The following FAM184B variants were observed in gnomAD, a reference collection of about 807,000 sequenced individuals.
FAM184B encodes family with sequence similarity 184 member B, also known as protein FAM184B.
In FAM184B, 111 loss-of-function variants were observed where a neutral mutation model predicts 135.9. The observed-to-expected ratio is 0.82, with a 90% CI of 0.70 to 0.96. The LOEUF (loss-of-function observed/expected upper bound fraction) is 0.96, where lower values mean the gene tolerates loss of function less well. Among genes scored for constraint, FAM184B ranks in the 40% least tolerant of loss-of-function variants. FAM184B has a pLI of 0.00. For missense variants in FAM184B, 1,375 were observed against 1,323.9 expected (o/e 1.04, Z -0.60); for synonymous variants, 552 against 524.8 (o/e 1.05, Z -0.71).
At chr4:17,746,783 A>G (rs1462919580) in intron 1 of FAM184B, among the ~76,000 whole-genome samples, 1 of 151,518 alleles carries the variant, frequency 6.6e-6, no homozygotes, top group African/African-American at 2.4e-5. Flanking sequence ...CACACCTGTA[A>G]TCTCAGCACT....
Position 17,734,984 on chromosome 4 carries a change from T to C in FAM184B, c.142-25340A>G, listed in dbSNP as rs555018044. On this transcript the variant is annotated intron_variant, in intron 1 of 17. Coordinates refer to ENST00000265018, the MANE Select transcript of FAM184B (RefSeq NM_015688.2). ...AAGAAAATATGGCACATATACACCA[T>C]GGAATACTATGCAGCCATAAAAAAT... is the stretch of plus-strand genomic sequence containing the variant. Among the ~76,000 whole-genome samples the C allele has an allele frequency of 1.7e-4, 26 of 152,270 alleles. No homozygotes were observed. In the East Asian group the frequency reaches 5.0e-3, roughly 29 times the overall value.
chr4:17,641,108 A>G (rs878985980), intron 13 of FAM184B, among the ~76,000 whole-genome samples: 1 of 151,688 alleles, frequency 6.6e-6, no homozygotes, highest in African/African-American at 2.4e-5. Flanking sequence ...CAATTTTTCT[A>G]TTTTTAGTAG....
chr4:17,764,159 G>A (rs1718604905), intron 1 of FAM184B, among the ~76,000 whole-genome samples: 1 of 152,142 alleles, frequency 6.6e-6, no homozygotes, highest in Admixed American at 6.5e-5. Flanking sequence ...TCTGTATTGG[G>A]TCAATGCCAA....
intron 1 of FAM184B, among the ~76,000 whole-genome samples, chr4:17,744,903 C>G (rs931527785): frequency 6.6e-6 from 1 of 152,126 alleles, no homozygotes; most frequent in East Asian, 1.9e-4. Context: ...TGAGAGGCAG[C>G]TGGAAGAGGT....
chr4:17,642,689 A>G (rs1190623576), intron 12 of FAM184B, among the ~76,000 whole-genome samples: 4 of 152,202 alleles, frequency 2.6e-5, no homozygotes, highest in African/African-American at 9.6e-5. Flanking sequence ...ACTGAAGAGA[A>G]TATGTGTCCA....
chr4:17,779,504 T>G (rs1175114968), intron 1 of FAM184B, among the ~76,000 whole-genome samples: 2 of 152,218 alleles, frequency 1.3e-5, no homozygotes, highest in East Asian at 3.8e-4. Context: ...GCTTGGCACA[T>G]AATAGGTGTG....
chr4:17,742,756 C>A (rs910429043), intron 1 of FAM184B, among the ~76,000 whole-genome samples: 3 of 152,214 alleles, frequency 2.0e-5, no homozygotes, highest in Non-Finnish European at 4.4e-5. Context: ...GGCTACACAT[C>A]ACTCAATAAA....
intron 7 of FAM184B, among the ~76,000 whole-genome samples, chr4:17,675,248 G>T (rs13106338): frequency 0.38 from 57,893 of 152,064 alleles, 11,676 homozygotes; most frequent in African/African-American, 0.46. Flanking sequence ...AATGAGTATT[G>T]TGTCAGCAGG....
intron 1 of FAM184B, among the ~76,000 whole-genome samples, chr4:17,768,612 T>C (rs1427857547): frequency 3.3e-5 from 5 of 151,912 alleles, no homozygotes; most frequent in Non-Finnish European, 7.4e-5. Context: ...ATATTGTGTA[T>C]GTGTTAGTTT....
intron 12 of FAM184B, 122 bp from the exon 13 acceptor site, chr4:17,642,350 T>TG (rs1577243226): frequency 7.3e-7 from 1 of 1,371,846 alleles, no homozygotes; most frequent in Non-Finnish European, 9.4e-7. Context: ...CTGGAGCCTG[T>TG]GGCAGGCTCC....
At chr4:17,656,215 G>C (rs948235125) in intron 10 of FAM184B, among the ~76,000 whole-genome samples, 3 of 152,072 alleles carry the variant, frequency 2.0e-5, no homozygotes, top group Non-Finnish European at 4.4e-5. Flanking sequence ...TAAAGCTCAG[G>C]GATACACAAA....
At chr4:17,774,593 C>T (rs1718884652) in intron 1 of FAM184B, among the ~76,000 whole-genome samples, 1 of 152,150 alleles carries the variant, frequency 6.6e-6, no homozygotes, top group African/African-American at 2.4e-5. Flanking sequence ...CTGTTCCATC[C>T]TTCAATTGCT....
chr4:17,712,762 T>C (rs1717309347), intron 1 of FAM184B, among the ~76,000 whole-genome samples: 2 of 152,154 alleles, frequency 1.3e-5, no homozygotes, highest in Admixed American at 1.3e-4. Context: ...AAAAGCTTTG[T>C]ATGGCTTTAA....
chr4:17,637,078 G>A (rs1267138496), intron 14 of FAM184B, among the ~76,000 whole-genome samples: 3 of 152,202 alleles, frequency 2.0e-5, no homozygotes, highest in African/African-American at 7.2e-5. Flanking sequence ...CCAGGCTGCA[G>A]TGCAATGGCG....
At chr4:17,729,276 C>G (rs984780104) in intron 1 of FAM184B, among the ~76,000 whole-genome samples, 205 of 152,364 alleles carry the variant, frequency 1.3e-3, no homozygotes, top group Non-Finnish European at 2.5e-3. Flanking sequence ...GAGCCCACCA[C>G]AGCTCAAGGA....
rs1482573617 is a variant in FAM184B, at chr4:17,630,942, A to G, written c.*1590T>C. On this transcript the variant is annotated 3_prime_UTR_variant, in exon 18 of 18. Transcript: ENST00000265018. ...TTATTCAAAGAGCAAAGATTTGACAATGCATAGAATTAACATTGGTTTGTG... is the reference window on the plus strand; with the variant it reads ...TTATTCAAAGAGCAAAGATTTGACAGTGCATAGAATTAACATTGGTTTGTG... The G allele has an allele frequency of 1.3e-5, 2 of 152,218 alleles. No individual in the cohort carries two copies. The highest frequency in any genetic ancestry group is 1.9e-4 in the East Asian group (1 of 5,196). The allele number at this position is 152,218 out of a possible 1,614,324, so 9.4% of individuals were successfully genotyped here.
intron 10 of FAM184B, among the ~76,000 whole-genome samples, chr4:17,655,168 A>G (rs1186401267): frequency 6.6e-6 from 1 of 152,204 alleles, no homozygotes; most frequent in Non-Finnish European, 1.5e-5. Context: ...AATAAAACAG[A>G]AAAGGCTCAT....
chr4:17,698,088 A>C (rs1420867253), intron 5 of FAM184B, among the ~76,000 whole-genome samples: 11 of 151,834 alleles, frequency 7.2e-5, no homozygotes, highest in Non-Finnish European at 1.3e-4. Context: ...AAAAAAAAAA[A>C]CAAACAAAAA....
chr4:17,671,951 A>G (rs1410341724), intron 7 of FAM184B, among the ~76,000 whole-genome samples: 1 of 37,530 alleles, frequency 2.7e-5, no homozygotes, highest in Non-Finnish European at 9.5e-5. Flanking sequence ...TCAAAGATGC[A>G]AAAAGAAAAA....
Sources: gnomAD v4.1 joint callset for allele counts (sites outside exome capture counted in the v4.1 genomes callset) on GRCh38, gnomAD v4.1.1 for gene constraint, MANE v1.5 for transcripts, NCBI Gene and HGNC (gene_info 2026-07-23, HGNC 2026-07-21) for gene names.